The following DHX15 variants were observed in gnomAD, a reference collection of about 807,000 sequenced individuals.
DHX15 encodes DEAH-box helicase 15.
A neutral mutation model predicts 94.4 loss-of-function variants in DHX15; 11 were observed. That is an observed-to-expected ratio of 0.12 (90% CI 0.07 to 0.19). The LOEUF is 0.19. DHX15 is among the 10% of genes least tolerant of loss of function. DHX15 has a pLI of 1.00. For synonymous variants in DHX15, 338 were observed against 329.9 expected (o/e 1.02, Z -0.27); for missense variants, 304 against 988.5 (o/e 0.31, Z 9.29).
At chr4:24,552,122 G>C (rs994925683) in intron 5 of DHX15, among the ~76,000 whole-genome samples, 14 of 152,174 alleles carry the variant, frequency 9.2e-5, no homozygotes, top group African/African-American at 3.4e-4. Flanking sequence ...TATCAGCTGA[G>C]AATGCCACAA....
intron 4 of DHX15, 55 bp from the exon 5 acceptor site, chr4:24,554,998 T>C: frequency 2.2e-6 from 3 of 1,388,080 alleles, no homozygotes. Context: ...TTACATGGTC[T>C]TACAGTATAG....
intron 3 of DHX15, among the ~76,000 whole-genome samples, chr4:24,565,858 GAAC>G (rs1436141386): frequency 2.0e-5 from 3 of 152,044 alleles, no homozygotes. Context: ...CCTGATCTCA[GAAC>G]AACCCTATCA....
At chr4:24,545,691 G>GT (rs748309849) in intron 6 of DHX15, among the ~76,000 whole-genome samples, 4 of 152,190 alleles carry the variant, frequency 2.6e-5, no homozygotes, top group Non-Finnish European at 5.9e-5. Context: ...CAGCAGTTGA[G>GT]TGAGGCAAGC....
intron 3 of DHX15, among the ~76,000 whole-genome samples, chr4:24,565,124 G>T (rs1257878133): frequency 6.6e-6 from 1 of 152,194 alleles, no homozygotes; most frequent in Non-Finnish European, 1.5e-5. Context: ...AGAACTCACA[G>T]AAAGCTAGAA....
At chr4:24,563,265 C>G (rs1721922565) in intron 3 of DHX15, 1 of 152,134 alleles carries the variant, frequency 6.6e-6, no homozygotes, top group Non-Finnish European at 1.5e-5. Flanking sequence ...CACCACTGAT[C>G]AGCTTTGACC....
intron 11 of DHX15, among the ~76,000 whole-genome samples, chr4:24,536,282 A>G (rs1256842600): frequency 6.6e-6 from 1 of 152,136 alleles, no homozygotes; most frequent in African/African-American, 2.4e-5. Context: ...TTAGGTAGCC[A>G]ATTTTTTTTT....
chr4:24,542,044 AAG>A (rs1721322977), intron 7 of DHX15, 22 bp from the exon 8 acceptor site: 6 of 1,563,966 alleles, frequency 3.8e-6, no homozygotes, highest in Non-Finnish European at 5.2e-6. Context: ...GAAATAACAC[AAG>A]AGTCTTTCTT....
In DHX15 at chr4:24,554,899, A is replaced by G. The variant is rs1046917575; in HGVS notation, c.906T>C (p.Ile302=). 6.2e-7 allele frequency: 1 copy of G among 1,613,756 alleles called. No homozygotes were observed. ...SATLDAGKFQ[I]YFDNCPLLTI... ...TTAGGAGAGGACAGTTATCAAAGTA[A>G]ATCTGGAATTTTCCTGCATCTAGAG... is the stretch of plus-strand genomic sequence containing the variant. Residue 302 remains isoleucine (I), a synonymous_variant, in exon 5 of 14, where the codon ATT becomes ATC. Transcript: ENST00000336812.
chr4:24,541,487 C>G (rs1437642185), intron 8 of DHX15, among the ~76,000 whole-genome samples: 1 of 151,964 alleles, frequency 6.6e-6, no homozygotes, highest in Non-Finnish European at 1.5e-5. Flanking sequence ...GAAGTGCTTC[C>G]TTTAAGTGAA....
intron 11 of DHX15, among the ~76,000 whole-genome samples, chr4:24,534,856 AT>A (rs1209447775): frequency 6.6e-6 from 1 of 152,062 alleles, no homozygotes; most frequent in Non-Finnish European, 1.5e-5. Flanking sequence ...ACATACAACC[AT>A]TTAAAAAGCT....
At chr4:24,535,600 T>G (rs763615912) in intron 11 of DHX15, among the ~76,000 whole-genome samples, 1 of 152,206 alleles carries the variant, frequency 6.6e-6, no homozygotes, top group Non-Finnish European at 1.5e-5. Flanking sequence ...CTCTCATATC[T>G]GCCCCCAAGT....
intron 10 of DHX15, chr4:24,538,809 A>G (rs969730801): frequency 1.3e-5 from 2 of 152,154 alleles, no homozygotes; most frequent in Non-Finnish European, 2.9e-5. Context: ...CAAACTTCTT[A>G]AAGAGCTAAT....
At position 24,547,927 on chromosome 4, in the gene DHX15, ATATATATATATATATCTATATC is replaced by A. The variant is rs1560765866; in HGVS notation, c.1248+906_1248+927del. On this transcript the variant is annotated intron_variant, in intron 6 of 13. Transcript: ENST00000336812. ...TGTATATATATATATATATATATAT[ATATATATATATATATCTATATC>A]TATATCTATATCTATCTGCTGATGG... Among the ~76,000 whole-genome samples the A allele has an allele frequency of 5.9e-3, 604 of 102,920 alleles. 8 individuals are homozygous for A. Among genetic ancestry groups the A allele is most frequent in the Middle Eastern group, 0.01 (2 of 200 alleles). 67.5% of individuals were successfully genotyped at this position (102,920 alleles called of 152,430 possible). A position where few individuals can be genotyped will look rare whatever the true frequency, so the allele number is the denominator to read the frequency against.
chr4:24,568,636 T>C (rs1197307690), intron 3 of DHX15, among the ~76,000 whole-genome samples: 1 of 152,192 alleles, frequency 6.6e-6, no homozygotes, highest in Non-Finnish European at 1.5e-5. Context: ...GCACCAATAT[T>C]GCATAACTTT....
intron 1 of DHX15, among the ~76,000 whole-genome samples, chr4:24,577,911 C>A (rs1400812674): frequency 6.6e-6 from 1 of 152,162 alleles, no homozygotes; most frequent in Non-Finnish European, 1.5e-5. Flanking sequence ...CATGACGGAG[C>A]TATGACACAA....
chr4:24,580,854 G>A (rs1236147854), intron 1 of DHX15: 2 of 151,668 alleles, frequency 1.3e-5, no homozygotes, highest in Non-Finnish European at 2.9e-5. Context: ...CTTATTTCCA[G>A]GAACCTCTCA....
intron 3 of DHX15, among the ~76,000 whole-genome samples, chr4:24,566,046 T>C (rs1207117546): frequency 6.8e-6 from 1 of 146,238 alleles, no homozygotes; most frequent in African/African-American, 2.5e-5. Context: ...ACCACCATTT[T>C]TTTTTTTTTT....
intron 3 of DHX15, among the ~76,000 whole-genome samples, chr4:24,568,052 GA>G (rs1401833615): frequency 3.3e-5 from 5 of 152,148 alleles, no homozygotes; most frequent in African/African-American, 1.2e-4. Flanking sequence ...AAACACTGAA[GA>G]AACTATCTTA....
intron 11 of DHX15, among the ~76,000 whole-genome samples, chr4:24,534,932 G>T (rs190917086): frequency 6.7e-6 from 1 of 148,228 alleles, no homozygotes; most frequent in Non-Finnish European, 1.5e-5. Context: ...ATAATAACAC[G>T]TGGGGATCTG....
Sources: gnomAD v4.1 joint callset for allele counts (sites outside exome capture counted in the v4.1 genomes callset) on GRCh38, gnomAD v4.1.1 for gene constraint, MANE v1.5 for transcripts, NCBI Gene and HGNC (gene_info 2026-07-23, HGNC 2026-07-21) for gene names.